The following CPNE4 variants were observed in gnomAD, a reference collection of about 807,000 sequenced individuals.
CPNE4 encodes copine 4, also known as copine-4.
A neutral mutation model predicts 67.9 loss-of-function variants in CPNE4; 25 were observed. The observed-to-expected ratio is 0.37, with a 90% CI of 0.27 to 0.51. The LOEUF is 0.51. CPNE4 is among the 20% of genes least tolerant of loss of function. The pLI is 0.93. For missense variants in CPNE4, 464 were observed against 690.8 expected, an observed-to-expected ratio of 0.67 and a Z score of 3.68; for synonymous variants, 242 against 244.9, an observed-to-expected ratio of 0.99 and a Z score of 0.11.
intron 2 of CPNE4, among the ~76,000 whole-genome samples, chr3:131,850,725 A>T (rs2086206712): frequency 1.3e-5 from 2 of 152,228 alleles, no homozygotes; most frequent in South Asian, 4.1e-4. Context: ...ATAGTGGAGG[A>T]TATGCTGGGT....
intron 2 of CPNE4, among the ~76,000 whole-genome samples, chr3:131,772,484 G>A (rs2083192654): frequency 6.6e-6 from 1 of 152,002 alleles, no homozygotes; most frequent in African/African-American, 2.4e-5. Flanking sequence ...TTTCACTTAG[G>A]GATTCTTGAT....
At position 131,593,720 on chromosome 3, in the gene CPNE4, T is replaced by C. The variant is rs554208294; in HGVS notation, c.682-6138A>G. ...GACTATGGTTTGTTTGTTTGTTTGT[T>C]TGTTTTGTTTTTGATGGAGTCCTGC... On this transcript the variant is annotated intron_variant, in intron 7 of 15. Coordinates refer to ENST00000429747, the MANE Select transcript of CPNE4 (RefSeq NM_130808.3). Among the ~76,000 whole-genome samples the C allele has an allele frequency of 5.9e-5, 9 of 152,226 alleles. No individual in the cohort carries two copies. In the South Asian group the frequency reaches 1.9e-3, roughly 32 times the overall value.
intron 2 of CPNE4, among the ~76,000 whole-genome samples, chr3:131,757,937 G>GA: frequency 6.6e-6 from 1 of 152,340 alleles, no homozygotes; most frequent in East Asian, 1.9e-4. Flanking sequence ...CAGTTGCACA[G>GA]AAGTCAAGAA....
chr3:131,982,026 A>G (rs990317546), intron 1 of CPNE4, among the ~76,000 whole-genome samples: 2 of 151,878 alleles, frequency 1.3e-5, no homozygotes. Flanking sequence ...TGGAGCTAAA[A>G]CTCACAATAT....
At chr3:131,629,252 A>G (rs1007637658) in intron 7 of CPNE4, among the ~76,000 whole-genome samples, 10 of 152,188 alleles carry the variant, frequency 6.6e-5, no homozygotes, top group Non-Finnish European at 1.3e-4. Flanking sequence ...TCTGGGAGAT[A>G]CAATTCAAGT....
intron 2 of CPNE4, among the ~76,000 whole-genome samples, chr3:131,883,099 T>C (rs2087745751): frequency 6.6e-6 from 1 of 152,156 alleles, no homozygotes; most frequent in Non-Finnish European, 1.5e-5. Flanking sequence ...GTAATTTACT[T>C]CTACAAGAAC....
intron 5 of CPNE4, among the ~76,000 whole-genome samples, chr3:131,687,058 C>T (rs1583022751): frequency 6.6e-6 from 1 of 152,170 alleles, no homozygotes. Flanking sequence ...AAAATCTGCA[C>T]AGAATGTCTT....
chr3:131,682,148 T>C (rs556555095), intron 6 of CPNE4, among the ~76,000 whole-genome samples: 1 of 152,212 alleles, frequency 6.6e-6, no homozygotes, highest in African/African-American at 2.4e-5. Flanking sequence ...TTATTTAGTT[T>C]GTTTGTTGAG....
At chr3:131,822,015 G>A (rs114061371) in intron 2 of CPNE4, among the ~76,000 whole-genome samples, 1,869 of 152,242 alleles carry the variant, frequency 0.012, 37 homozygotes, top group African/African-American at 0.042. Flanking sequence ...AAACACTTCA[G>A]TAATCTTGGG....
intron 1 of CPNE4, among the ~76,000 whole-genome samples, chr3:132,023,807 C>T (rs1469789975): frequency 6.6e-6 from 1 of 152,104 alleles, no homozygotes; most frequent in Non-Finnish European, 1.5e-5. Context: ...TTTTATTTAG[C>T]AAGTCACCAT....
chr3:131,790,934 T>C (rs1200824306), intron 2 of CPNE4, among the ~76,000 whole-genome samples: 1 of 152,196 alleles, frequency 6.6e-6, no homozygotes, highest in Non-Finnish European at 1.5e-5. Context: ...GTGCAGTCTT[T>C]AGTAATCTTT....
chr3:131,560,860 C>T (rs1480709635), intron 11 of CPNE4, among the ~76,000 whole-genome samples: 3 of 151,946 alleles, frequency 2.0e-5, no homozygotes, highest in African/African-American at 7.2e-5. Flanking sequence ...GGGTGGGGTG[C>T]AGGTATCGTC....
At chr3:131,611,980 G>A (rs1020682012) in intron 7 of CPNE4, among the ~76,000 whole-genome samples, 3 of 152,154 alleles carry the variant, frequency 2.0e-5, no homozygotes, top group Non-Finnish European at 4.4e-5. Context: ...TAACCCAGAA[G>A]GGTCAGCTTC....
In CPNE4 at chr3:131,934,321, G is replaced by A. The variant is rs187572267; in HGVS notation, c.-1-28877C>T. ...GATTGAAGTGAATCAAAAAATGAAT[G>A]AGAGATAAGAAAGTAGAAGCAGCAA... On this transcript the variant is annotated intron_variant, in intron 1 of 15. Coordinates refer to ENST00000429747, the MANE Select transcript of CPNE4 (RefSeq NM_130808.3). Among the ~76,000 whole-genome samples the A allele has an allele frequency of 3.1e-3, 478 of 152,248 alleles. 2 individuals are homozygous for A. Among genetic ancestry groups the A allele is most frequent in the Non-Finnish European group, 6.0e-3 (411 of 68,006 alleles).
Position 131,869,863 on chromosome 3 carries a change from A to G in CPNE4, c.180+35401T>C, listed in dbSNP as rs9836444. Among the ~76,000 whole-genome samples, 414 of 152,342 alleles carry G rather than the reference A, an allele frequency of 2.7e-3. 1 individual carries two copies. Among genetic ancestry groups the G allele is most frequent in the Non-Finnish European group, 5.0e-3 (337 of 68,024 alleles). On this transcript the variant is annotated intron_variant, in intron 2 of 15. Transcript: ENST00000429747. ...CTGTCTGTTTGGCACTGTAAGTACC[A>G]CAAAAGCATAATACAATAGGCCTTT...
intron 7 of CPNE4, among the ~76,000 whole-genome samples, chr3:131,653,905 A>T (rs1213787436): frequency 6.6e-6 from 1 of 152,240 alleles, no homozygotes; most frequent in Admixed American, 6.5e-5. Flanking sequence ...ATCTTGTTTC[A>T]GACTAGGGGC....
At chr3:131,875,201 TA>T (rs1350302338) in intron 2 of CPNE4, among the ~76,000 whole-genome samples, 2 of 152,120 alleles carry the variant, frequency 1.3e-5, no homozygotes, top group Non-Finnish European at 2.9e-5. Flanking sequence ...CAGAAGGCAC[TA>T]AATAGATACA....
At chr3:131,955,505 T>C (rs964140895) in intron 1 of CPNE4, among the ~76,000 whole-genome samples, 3 of 137,858 alleles carry the variant, frequency 2.2e-5, no homozygotes, top group Non-Finnish European at 4.6e-5. Context: ...GAATCTCCCC[T>C]CCACTTCTGG....
intron 2 of CPNE4, among the ~76,000 whole-genome samples, chr3:131,773,784 G>A (rs1269793408): frequency 6.6e-6 from 1 of 151,974 alleles, no homozygotes; most frequent in East Asian, 1.9e-4. Flanking sequence ...CATCTTGTTT[G>A]GGTCTTGATT....
Sources: gnomAD v4.1 joint callset for allele counts (sites outside exome capture counted in the v4.1 genomes callset) on GRCh38, gnomAD v4.1.1 for gene constraint, MANE v1.5 for transcripts, NCBI Gene and HGNC (gene_info 2026-07-23, HGNC 2026-07-21) for gene names.